Variants in GET3 observed in about 807,000 individuals in gnomAD.
The protein encoded by GET3 is ATPase GET3.
In GET3, 15 loss-of-function variants were observed where a neutral mutation model predicts 32.4. The observed-to-expected ratio is 0.46, with a 90% CI of 0.31 to 0.71. The LOEUF (loss-of-function observed/expected upper bound fraction) is 0.71. GET3 is among the 30% of genes least tolerant of loss of function. The pLI is 0.05. For missense variants in GET3, 333 were observed against 459.0 expected (o/e 0.73, Z 2.51); for synonymous variants, 198 against 185.6 (o/e 1.07, Z -0.54).
chr19:12,738,674 C>A lies in GET3; in HGVS notation c.309+16C>A. On this transcript the variant is annotated intron_variant, in intron 2 of 6. Coordinates refer to ENST00000357332, the MANE Select transcript of GET3 (RefSeq NM_004317.4). ...CTTTGCTATGGTGAGTGGAACAGGG[C>A]TTAGCCCCCACTTCTGGGAAAAGCC... 1 of 1,614,080 alleles carries A rather than the reference C, an allele frequency of 6.2e-7. No homozygotes were observed. The highest frequency in any genetic ancestry group is 8.5e-7 in the Non-Finnish European group (1 of 1,179,982).
rs1020933282 is a variant in GET3, at chr19:12,745,817, C to T, written c.609+58C>T. On this transcript the variant is annotated intron_variant, in intron 4 of 6. Transcript: ENST00000357332. This position sits in a 1 kb window ranked among gnomAD's most constrained non-coding sequence, Gnocchi z 5.0. ...AGGCAGCCGGGAGTGGGAGTAGGCC[C>T]GGGCCCCCAGACCCTCAAATGCGCA... The T allele has an allele frequency of 9.1e-6, 14 of 1,541,780 alleles. No homozygotes were observed. The highest frequency in any genetic ancestry group is 2.3e-5 in the East Asian group (1 of 44,306).
At chr19:12,746,425 G>C (rs1967772886) in intron 4 of GET3, among the ~76,000 whole-genome samples, 1 of 152,186 alleles carries the variant, frequency 6.6e-6, no homozygotes. Context: ...GAGCCACTGT[G>C]CCCAGCCCCC....
Position 12,748,061 on chromosome 19 carries a change from C to T in GET3, c.1004C>T (p.Ser335Leu), listed in dbSNP as rs779896617. 18 of 1,611,246 alleles carry T rather than the reference C, an allele frequency of 1.1e-5. No homozygotes were observed. Among genetic ancestry groups the T allele is most frequent in the Admixed American group, 8.4e-5 (5 of 59,846 alleles). Residue 335 changes from serine (S) to leucine (L), a missense_variant, in exon 7 of 7, where the codon TCG becomes TTG. Physicochemically the swap from Ser to Leu is moderately radical, Grantham distance 145. Coordinates refer to ENST00000357332, the MANE Select transcript of GET3 (RefSeq NM_004317.4). ...GGGGCAGACAAGGTCAACACCTTCTCGGCCCTCCTCCTGGAGCCCTACAAG... is the reference window on the plus strand; with the variant it reads ...GGGGCAGACAAGGTCAACACCTTCTTGGCCCTCCTCCTGGAGCCCTACAAG... ...VRGADKVNTF[S>L]ALLLEPYKPP...
intron 1 of GET3, 61 bp from the exon 2 acceptor site, chr19:12,738,450 C>G: frequency 6.3e-7 from 1 of 1,596,052 alleles, no homozygotes; most frequent in Non-Finnish European, 8.5e-7. Flanking sequence ...ACTCCCCTTG[C>G]AGACCCAGGG....
chr19:12,743,587 G>A (rs1967710531), intron 2 of GET3, among the ~76,000 whole-genome samples: 1 of 150,974 alleles, frequency 6.6e-6, no homozygotes, highest in South Asian at 2.1e-4. Flanking sequence ...TCAGGAGATC[G>A]CCACCATCCT....
rs1967598637 is a variant in GET3 at position 12,737,668 on chromosome 19, T to C, written c.161+2T>C. Reference sequence around the variant, plus strand: ...TGGTGTGGGCAAGACCACCTGCAGGTAAGGAGGCTGCGGCGGGGGCCAGGA... The same window carrying C: ...TGGTGTGGGCAAGACCACCTGCAGGCAAGGAGGCTGCGGCGGGGGCCAGGA... On this transcript the variant is annotated splice_donor_variant, in intron 1 of 6. Transcript: ENST00000357332. LOFTEE classifies it high-confidence loss of function. 1 of 1,605,774 alleles carries C rather than the reference T, an allele frequency of 6.2e-7. No individual in the cohort carries two copies. Among genetic ancestry groups the C allele is most frequent in the Admixed American group, 1.7e-5 (1 of 58,714 alleles).
rs762895280 is a variant in GET3 at position 12,748,144 on chromosome 19, C to T, written c.*40C>T. On this transcript the variant is annotated 3_prime_UTR_variant, in exon 7 of 7. Coordinates refer to ENST00000357332, the MANE Select transcript of GET3 (RefSeq NM_004317.4). ...CCAACCGCTGCCATTTCACACTCACCCTCCACCCTCCCCACCCCCTCGGGG... is the reference window on the plus strand; with the variant it reads ...CCAACCGCTGCCATTTCACACTCACTCTCCACCCTCCCCACCCCCTCGGGG... The T allele has an allele frequency of 1.3e-6, 2 of 1,540,496 alleles. No individual in the cohort carries two copies. The highest frequency in any genetic ancestry group is 1.8e-6 in the Non-Finnish European group (2 of 1,136,170).
At position 12,745,769 on chromosome 19, in the gene GET3, G is replaced by A. The variant is rs760394573; in HGVS notation, c.609+10G>A. ...CCCTTTCATCTCACAGGCAGGCGGC[G>A]GGGGCCCCCACCTGCACCATCCAGG... On this transcript the variant is annotated intron_variant, in intron 4 of 6. Transcript: ENST00000357332. The surrounding 1 kb of genome is among the most constrained non-coding windows in gnomAD (Gnocchi z 5.0). 6.9e-5 allele frequency: 110 copies of A among 1,596,960 alleles called. No individual in the cohort carries two copies. Among genetic ancestry groups the A allele is most frequent in the Middle Eastern group, 3.3e-4 (2 of 5,972 alleles).
intron 2 of GET3, among the ~76,000 whole-genome samples, chr19:12,744,442 C>G (rs1967733117): frequency 6.6e-6 from 1 of 152,004 alleles, no homozygotes; most frequent in Middle Eastern, 3.4e-3. Context: ...GCCTCAACCT[C>G]CAGAGTAGCT....
chr19:12,737,386 A>C, upstream of GET3: 1 of 1,256,714 alleles, frequency 8.0e-7, no homozygotes, highest in Non-Finnish European at 1.0e-6. Flanking sequence ...ATTTCTCCTA[A>C]AAGGCAAGTA....
Position 12,738,440 on chromosome 19 carries a change from A to C in GET3, c.162-71A>C, listed in dbSNP as rs149865382. 94 of 1,581,954 alleles carry C rather than the reference A, an allele frequency of 5.9e-5. No individual in the cohort carries two copies. The African/African-American group carries it at 1.1e-3, about 18-fold the overall frequency. On this transcript the variant is annotated intron_variant, in intron 1 of 6. Coordinates refer to ENST00000357332, the MANE Select transcript of GET3 (RefSeq NM_004317.4). ...GGTCACCTGCTCCAGGGAACCTACCACTCCCCTTGCAGACCCAGGGAACAG... is the reference window on the plus strand; with the variant it reads ...GGTCACCTGCTCCAGGGAACCTACCCCTCCCCTTGCAGACCCAGGGAACAG...
Position 12,747,184 on chromosome 19 carries a change from AT to A in GET3, c.610-12del, listed in dbSNP as rs1448268807. ...GCAGGTAAGCTATGAGCCCTCCCAC[AT>A]CCCCCCTGCAGATGTGCAACATGCT... On this transcript the variant is annotated splice_polypyrimidine_tract_variant and intron_variant, in intron 4 of 6. Coordinates refer to ENST00000357332, the MANE Select transcript of GET3 (RefSeq NM_004317.4). This position sits in a 1 kb window ranked among gnomAD's most constrained non-coding sequence, Gnocchi z 4.0. 3 of 1,573,006 alleles carry A rather than the reference AT, an allele frequency of 1.9e-6. No individual in the cohort carries two copies. In the African/African-American group the frequency reaches 4.1e-5, roughly 21 times the overall value.
At position 12,747,070 on chromosome 19, in the gene GET3, T is replaced by A; in HGVS notation, c.610-127T>A. ...GCTAGTATTTGACCAACCCCAGGAA[T>A]CTGCTTATGGGCCTGAGCCTTTAAC... On this transcript the variant is annotated intron_variant, in intron 4 of 6. Transcript: ENST00000357332. The surrounding 1 kb of genome is among the most constrained non-coding windows in gnomAD (Gnocchi z 4.0). The A allele has an allele frequency of 3.3e-6, 2 of 604,034 alleles. No homozygotes were observed. The highest frequency in any genetic ancestry group is 4.7e-4 in the Middle Eastern group (1 of 2,106). The allele number at this position is 604,034 out of a possible 1,614,324, so 37.4% of individuals were successfully genotyped here.
chr19:12,743,617 C>T (rs1024966424), intron 2 of GET3, among the ~76,000 whole-genome samples: 1 of 151,510 alleles, frequency 6.6e-6, no homozygotes, highest in Non-Finnish European at 1.5e-5. Flanking sequence ...AGTGAAACCC[C>T]GTCTCTACTA....
At chr19:12,743,249 G>T (rs1265913391) in intron 2 of GET3, among the ~76,000 whole-genome samples, 120 of 152,120 alleles carry the variant, frequency 7.9e-4, no homozygotes, top group Non-Finnish European at 2.5e-4. Flanking sequence ...AGGCTGAGGT[G>T]GGTGGATCAC....
At chr19:12,738,754 T>C (rs1967615632) in intron 2 of GET3, 96 bp downstream of exon 2, 7 of 1,471,266 alleles carry the variant, frequency 4.8e-6, no homozygotes, top group Non-Finnish European at 6.5e-6. Context: ...CTATCCACTC[T>C]ATATCCTGTG....
At chr19:12,743,818 C>T (rs1381876662) in intron 2 of GET3, among the ~76,000 whole-genome samples, 1 of 135,512 alleles carries the variant, frequency 7.4e-6, no homozygotes, top group Non-Finnish European at 1.6e-5. Context: ...AGGCTCCGCC[C>T]CCTGGGGTTC....
At chr19:12,739,034 G>A (rs1197409360) in intron 2 of GET3, among the ~76,000 whole-genome samples, 1 of 151,838 alleles carries the variant, frequency 6.6e-6, no homozygotes, top group South Asian at 2.1e-4. Context: ...TTGACGGCCA[G>A]GTGGAGATTT....
intron 2 of GET3, among the ~76,000 whole-genome samples, chr19:12,740,992 C>G (rs760869314): frequency 6.6e-6 from 1 of 152,202 alleles, no homozygotes; most frequent in Non-Finnish European, 1.5e-5. Flanking sequence ...CCAGAATTGT[C>G]TGGATCATCA....
Sources: allele counts gnomAD v4.1 joint callset (sites outside exome capture counted in the v4.1 genomes callset), GRCh38; gene constraint gnomAD v4.1.1; non-coding constraint Gnocchi (gnomAD v3.1); transcripts MANE v1.5; gene names NCBI Gene and HGNC (gene_info 2026-07-23, HGNC 2026-07-21).